Variants in CRISPLD1 observed in about 807,000 individuals in gnomAD.
CRISPLD1 encodes cysteine-rich secretory protein LCCL domain-containing 1.
In CRISPLD1, 60 loss-of-function variants were observed where a neutral mutation model predicts 77.5. The observed-to-expected ratio is 0.77, with a 90% confidence interval of 0.63 to 0.96. CRISPLD1 has a LOEUF of 0.96. Ranked by LOEUF, CRISPLD1 falls within the 40% of genes least tolerant of loss-of-function variation. CRISPLD1 has a pLI of 0.00. For synonymous variants in CRISPLD1, 195 were observed against 200.1 expected (o/e 0.97, Z 0.22); for missense variants, 623 against 615.8 (o/e 1.01, Z -0.12).
chr8:75,000,262 G>T (rs1363559564), intron 2 of CRISPLD1: 2 of 985,176 alleles, frequency 2.0e-6, no homozygotes, highest in Non-Finnish European at 2.4e-6. Flanking sequence ...GAATGAATGA[G>T]ATCAGATGTT....
Position 75,014,064 on chromosome 8 carries a change from G to A in CRISPLD1, c.588G>A (p.Trp196Ter), listed in dbSNP as rs1396098507. 1 of 1,612,962 alleles carries A rather than the reference G, an allele frequency of 6.2e-7. No individual in the cohort carries two copies. Among genetic ancestry groups the A allele is most frequent in the South Asian group, 1.1e-5 (1 of 91,048 alleles). ...ACATGAACATCTGGGGGCAGATATG[G>A]CCCAAAGCTGTCTACCTGGTGTGCA... ...CHNMNIWGQI[W>*]PKAVYLVCNY... is the part of the protein sequence containing the mutation. The change falls in exon 5 of 15, where the codon TGG becomes TGA. Residue 196 changes from tryptophan to a stop codon, truncating the protein, a stop_gained. Coordinates refer to ENST00000262207, the MANE Select transcript of CRISPLD1 (RefSeq NM_031461.6). LOFTEE classifies it high-confidence loss of function.
chr8:75,007,329 C>T (rs889272564), intron 2 of CRISPLD1, among the ~76,000 whole-genome samples: 9 of 152,186 alleles, frequency 5.9e-5, no homozygotes, highest in African/African-American at 2.2e-4. Flanking sequence ...GCATAATATA[C>T]AGTGATGCAA....
chr8:74,998,120 A>G (rs1812673108), intron 2 of CRISPLD1, among the ~76,000 whole-genome samples: 1 of 152,180 alleles, frequency 6.6e-6, no homozygotes, highest in African/African-American at 2.4e-5. Context: ...TCTAACAGGA[A>G]AAGCTGAGGT....
chr8:74,999,701 T>C (rs773073567), intron 2 of CRISPLD1, among the ~76,000 whole-genome samples: 57 of 152,004 alleles, frequency 3.7e-4, no homozygotes, highest in Non-Finnish European at 7.1e-4. Context: ...TCCTCAACTA[T>C]CACATTCGCC....
At chr8:74,985,570 A>C (rs1196902657) in intron 1 of CRISPLD1, among the ~76,000 whole-genome samples, 2 of 152,236 alleles carry the variant, frequency 1.3e-5, no homozygotes, top group Non-Finnish European at 2.9e-5. Context: ...TTCTAGGTAG[A>C]TATAACATCC....
At position 74,986,063 on chromosome 8, in the gene CRISPLD1, G is replaced by T. The variant is rs201056037; in HGVS notation, c.76G>T (p.Val26Phe). The change falls in exon 2 of 15, where the codon GTT becomes TTT. Residue 26 changes from valine to phenylalanine, a missense_variant. By Grantham distance (50) the Val-to-Phe change is conservative (BLOSUM62 -1). Coordinates refer to ENST00000262207, the MANE Select transcript of CRISPLD1 (RefSeq NM_031461.6). ...GGCTAGAGCAATTCCAGCCATGGTG[G>T]TTCCCAATGCCACTTTATTGGAGAA... ...FMARAIPAMV[V>F]PNATLLEKLL... 6.2e-7 allele frequency: 1 copy of T among 1,614,158 alleles called. No homozygotes were observed. The highest frequency in any genetic ancestry group is 1.1e-5 in the South Asian group (1 of 91,080).
intron 14 of CRISPLD1, among the ~76,000 whole-genome samples, chr8:75,031,084 C>T (rs1489005569): frequency 6.6e-6 from 1 of 152,006 alleles, no homozygotes; most frequent in Admixed American, 6.6e-5. Context: ...CAAACACATT[C>T]ATTTCCTAAG....
intron 2 of CRISPLD1, among the ~76,000 whole-genome samples, chr8:75,004,986 T>C (rs2128783396): frequency 6.6e-6 from 1 of 152,298 alleles, no homozygotes; most frequent in African/African-American, 2.4e-5. Flanking sequence ...AGGTTCTATG[T>C]TGTATTTATC....
chr8:75,000,158 C>T (rs1162529346), intron 2 of CRISPLD1: 9 of 984,890 alleles, frequency 9.1e-6, no homozygotes, highest in South Asian at 9.4e-5. Flanking sequence ...ACCACCAGAA[C>T]GCTGGACAAT....
At position 74,986,190 on chromosome 8, in the gene CRISPLD1, T is replaced by G. The variant is rs777230677; in HGVS notation, c.203T>G (p.Leu68Arg). 6.2e-7 allele frequency: 1 copy of G among 1,614,176 alleles called. No individual in the cohort carries two copies. The highest frequency in any genetic ancestry group is 2.2e-5 in the East Asian group (1 of 44,884). Reference sequence around the variant, plus strand: ...AATGACATGCAGAGTATTTTGGACCTTCATAATAAATTACGAAGTCAGGTG... The same window carrying G: ...AATGACATGCAGAGTATTTTGGACCGTCATAATAAATTACGAAGTCAGGTG... ...TDNDMQSILDLHNKLRSQVYP... is the reference protein window; with the variant it reads ...TDNDMQSILDRHNKLRSQVYP... The change falls in exon 2 of 15, where the codon CTT becomes CGT. Residue 68 changes from leucine (L) to arginine (R), a missense_variant. By Grantham distance (102) the Leu-to-Arg change is moderately radical. Transcript: ENST00000262207.
chr8:74,988,856 T>C (rs893611760), intron 2 of CRISPLD1, among the ~76,000 whole-genome samples: 4 of 151,958 alleles, frequency 2.6e-5, no homozygotes, highest in African/African-American at 9.7e-5. Flanking sequence ...AAAACTTGAG[T>C]CTGGAAAGCC....
rs867813585 is a variant in CRISPLD1, at chr8:75,029,254, A to G, written c.1321-133A>G. 4.5e-6 allele frequency: 4 copies of G among 897,880 alleles called. No homozygotes were observed. In the South Asian group the frequency reaches 5.5e-5, roughly 12 times the overall value. 55.6% of individuals were successfully genotyped at this position (897,880 alleles called of 1,614,324 possible). A position where few individuals can be genotyped will look rare whatever the true frequency, so the allele number is the denominator to read the frequency against. ...AACACTCTTTTATGCACAAAACCTC[A>G]TCCTGTAGCTGCTCACTGGCTATCC... On this transcript the variant is annotated intron_variant, in intron 13 of 14. Coordinates refer to ENST00000262207, the MANE Select transcript of CRISPLD1 (RefSeq NM_031461.6).
intron 2 of CRISPLD1, among the ~76,000 whole-genome samples, chr8:74,995,170 G>C (rs1389165208): frequency 1.3e-5 from 2 of 152,116 alleles, no homozygotes; most frequent in African/African-American, 4.8e-5. Flanking sequence ...TGTAAAGGCA[G>C]GGAAGGTGAG....
chr8:74,995,159 G>A (rs892314119), intron 2 of CRISPLD1, among the ~76,000 whole-genome samples: 1 of 152,114 alleles, frequency 6.6e-6, no homozygotes, highest in Non-Finnish European at 1.5e-5. Flanking sequence ...ACACTTTAAA[G>A]TGTAAAGGCA....
rs1338076464 is a variant in CRISPLD1, at chr8:74,985,810, G to A, written c.-62-116G>A. 2.4e-5 allele frequency: 17 copies of A among 714,886 alleles called. No individual in the cohort carries two copies. The East Asian group carries it at 4.3e-4, about 18-fold the overall frequency. 44.3% of individuals were successfully genotyped at this position (714,886 alleles called of 1,614,324 possible). On this transcript the variant is annotated intron_variant, in intron 1 of 14. Transcript: ENST00000262207. ...AAAATGTGAGTGTCCATTTTCTGCT[G>A]TTAAATAGACAAATCAAACTGGCAC...
At chr8:75,025,048 A>G (rs926331365) in intron 12 of CRISPLD1, among the ~76,000 whole-genome samples, 2 of 152,224 alleles carry the variant, frequency 1.3e-5, no homozygotes, top group Non-Finnish European at 2.9e-5. Context: ...GCAGTAGGAT[A>G]TTCAAGTATG....
intron 2 of CRISPLD1, among the ~76,000 whole-genome samples, chr8:75,007,993 G>A (rs1254718196): frequency 6.6e-6 from 1 of 152,034 alleles, no homozygotes; most frequent in Non-Finnish European, 1.5e-5. Flanking sequence ...GTTTAATTTT[G>A]AAAGTTATCT....
rs147583908 is a variant in CRISPLD1, at chr8:75,031,679, T to C, written c.1452-512T>C. On this transcript the variant is annotated intron_variant, in intron 14 of 14. Coordinates refer to ENST00000262207, the MANE Select transcript of CRISPLD1 (RefSeq NM_031461.6). ...CTTACTAACATTTTCCTTGAAATTA[T>C]AGATGTTAAGAGTATTAATCTGTAT... Among the ~76,000 whole-genome samples, 1,256 of 152,096 alleles carry C rather than the reference T, an allele frequency of 8.3e-3. 11 individuals carry two copies. Among genetic ancestry groups the C allele is most frequent in the Middle Eastern group, 0.014 (4 of 294 alleles).
intron 2 of CRISPLD1, among the ~76,000 whole-genome samples, chr8:75,011,168 A>C (rs1237700472): frequency 6.6e-6 from 1 of 151,068 alleles, no homozygotes; most frequent in Non-Finnish European, 1.5e-5. Context: ...GTACATGTGC[A>C]CAATGTGCAG....
Sources: allele counts gnomAD v4.1 joint callset (sites outside exome capture counted in the v4.1 genomes callset), GRCh38; gene constraint gnomAD v4.1.1; transcripts MANE v1.5; gene names NCBI Gene and HGNC (gene_info 2026-07-23, HGNC 2026-07-21).